The following SUSD4 variants were observed in gnomAD, a reference collection of about 807,000 sequenced individuals.
SUSD4 encodes sushi domain containing 4, also known as sushi domain-containing protein 4.
A neutral mutation model predicts 50.5 loss-of-function variants in SUSD4; 41 were observed. That is an observed-to-expected ratio of 0.81 (90% confidence interval 0.63 to 1.05). The LOEUF is 1.05. Ranked by LOEUF, SUSD4 falls within the 50% of genes least tolerant of loss-of-function variation. The pLI is 0.00. For missense variants in SUSD4, 580 were observed against 634.7 expected, an observed-to-expected ratio of 0.91 and a Z score of 0.93; for synonymous variants, 257 against 257.3, an observed-to-expected ratio of 1.00 and a Z score of 0.01.
At chr1:223,349,209 A>G (rs1191858724) in intron 2 of SUSD4, among the ~76,000 whole-genome samples, 3 of 152,246 alleles carry the variant, frequency 2.0e-5, no homozygotes, top group Non-Finnish European at 4.4e-5. Context: ...TGTTTTGAGT[A>G]GGAGAGAAGA....
chr1:223,271,665 A>C (rs1249483533), intron 3 of SUSD4, among the ~76,000 whole-genome samples: 1 of 152,206 alleles, frequency 6.6e-6, no homozygotes, highest in Non-Finnish European at 1.5e-5. Context: ...TGACAGAGAA[A>C]ACATTAACCA....
intron 2 of SUSD4, among the ~76,000 whole-genome samples, chr1:223,322,626 G>GTGTA (rs1191231565): frequency 1.3e-5 from 2 of 152,138 alleles, no homozygotes; most frequent in African/African-American, 4.8e-5. Flanking sequence ...GTGTGTGTGT[G>GTGTA]TGTATGGTGA....
intron 5 of SUSD4, among the ~76,000 whole-genome samples, chr1:223,251,975 A>G (rs945278230): frequency 6.0e-5 from 9 of 149,986 alleles, no homozygotes; most frequent in African/African-American, 2.2e-4. Context: ...AAGGACAAAA[A>G]ACCAAACACC....
intron 3 of SUSD4, among the ~76,000 whole-genome samples, chr1:223,281,465 C>T (rs1251184236): frequency 5.3e-5 from 8 of 152,162 alleles, no homozygotes; most frequent in East Asian, 1.9e-4. Context: ...AACAACTCTA[C>T]GCAAATAAAC....
chr1:223,339,757 C>G (rs1667651809), intron 2 of SUSD4, among the ~76,000 whole-genome samples: 3 of 152,318 alleles, frequency 2.0e-5, no homozygotes, highest in South Asian at 2.1e-4. Context: ...ATTCAGACAC[C>G]ACTAACTCAA....
intron 4 of SUSD4, 97 bp from the exon 5 acceptor site, chr1:223,264,915 C>T: frequency 7.8e-7 from 1 of 1,283,188 alleles, no homozygotes; most frequent in Non-Finnish European, 1.1e-6. Context: ...GATTCCCCCA[C>T]CTCTGAAGGT....
At chr1:223,308,615 T>C (rs535279709) in intron 2 of SUSD4, among the ~76,000 whole-genome samples, 5 of 152,230 alleles carry the variant, frequency 3.3e-5, no homozygotes, top group Admixed American at 3.3e-4. Context: ...AATTACAGAA[T>C]GTTATTGCTG....
intron 4 of SUSD4, among the ~76,000 whole-genome samples, chr1:223,267,375 G>C (rs1395222588): frequency 2.6e-5 from 4 of 152,162 alleles, no homozygotes; most frequent in African/African-American, 9.7e-5. Flanking sequence ...TGTTTTCCTG[G>C]CCATCACTCT....
Position 223,221,164 on chromosome 1 carries a change from A to G in SUSD4, c.*1028T>C. ...GAGGCCAGCCTCCTGGAATCTTAGG[A>G]CAAATAAAAGGGGGAAAAATCCAAC... is the stretch of plus-strand genomic sequence containing the variant. On this transcript the variant is annotated 3_prime_UTR_variant, in exon 9 of 9. Transcript: ENST00000366878. 2.5e-6 allele frequency: 1 copy of G among 400,792 alleles called. No individual in the cohort carries two copies. Among genetic ancestry groups the G allele is most frequent in the Non-Finnish European group, 4.4e-6 (1 of 226,234 alleles). 24.8% of individuals were successfully genotyped at this position (400,792 alleles called of 1,614,324 possible).
chr1:223,345,644 G>A (rs563139918), intron 2 of SUSD4, among the ~76,000 whole-genome samples: 6 of 152,304 alleles, frequency 3.9e-5, no homozygotes, highest in Non-Finnish European at 1.5e-5. Flanking sequence ...GCCGACGTCC[G>A]GCTTTCTATC....
intron 7 of SUSD4, among the ~76,000 whole-genome samples, chr1:223,226,424 G>A (rs575765109): frequency 6.6e-6 from 1 of 152,310 alleles, no homozygotes; most frequent in South Asian, 2.1e-4. Context: ...CACCTATCAG[G>A]TTGTGACCAT....
intron 2 of SUSD4, among the ~76,000 whole-genome samples, chr1:223,294,579 T>C (rs1241567821): frequency 3.9e-5 from 6 of 152,120 alleles, no homozygotes; most frequent in Admixed American, 6.5e-5. Context: ...CCAGAAGTCA[T>C]TGTTACAGTG....
intron 2 of SUSD4, among the ~76,000 whole-genome samples, chr1:223,335,859 A>C (rs1667426107): frequency 6.6e-6 from 1 of 152,236 alleles, no homozygotes. Context: ...TTGCTAGATT[A>C]CTTGTTGCAC....
At chr1:223,336,377 A>C (rs1014908357) in intron 2 of SUSD4, among the ~76,000 whole-genome samples, 1 of 152,238 alleles carries the variant, frequency 6.6e-6, no homozygotes, top group Non-Finnish European at 1.5e-5. Flanking sequence ...AATAGCTACA[A>C]TTTTTAGTAT....
intron 2 of SUSD4, among the ~76,000 whole-genome samples, chr1:223,353,694 C>T (rs1180215383): frequency 6.6e-6 from 1 of 152,136 alleles, no homozygotes; most frequent in African/African-American, 2.4e-5. Context: ...AATCTGTATC[C>T]GGAGGGCTGA....
At chr1:223,304,210 A>G (rs543808471) in intron 2 of SUSD4, among the ~76,000 whole-genome samples, 2 of 152,256 alleles carry the variant, frequency 1.3e-5, no homozygotes, top group East Asian at 1.9e-4. Flanking sequence ...TGGGATAGGA[A>G]TCTTGGTGAT....
chr1:223,358,996 C>A (rs1668819776), intron 2 of SUSD4: 2 of 461,178 alleles, frequency 4.3e-6, no homozygotes, highest in Non-Finnish European at 9.1e-6. Context: ...CCTGCTGGCA[C>A]AGAGCACAGC....
intron 3 of SUSD4, among the ~76,000 whole-genome samples, chr1:223,286,853 G>A (rs573860535): frequency 3.3e-5 from 5 of 152,296 alleles, no homozygotes; most frequent in East Asian, 3.9e-4. Flanking sequence ...GAGAAGCACC[G>A]CAAGGTTGGA....
At chr1:223,228,639 TG>T in intron 6 of SUSD4, among the ~76,000 whole-genome samples, 1 of 152,260 alleles carries the variant, frequency 6.6e-6, no homozygotes, top group East Asian at 1.9e-4. Flanking sequence ...AGCTTGCAAA[TG>T]GCCTATAGTT....
Sources: gnomAD v4.1 joint callset for allele counts (sites outside exome capture counted in the v4.1 genomes callset) on GRCh38, gnomAD v4.1.1 for gene constraint, MANE v1.5 for transcripts, NCBI Gene and HGNC (gene_info 2026-07-23, HGNC 2026-07-21) for gene names.